Variants in UNC13C observed in about 807,000 individuals in gnomAD.
The protein encoded by UNC13C is protein unc-13 homolog C.
Under a neutral mutation model 245.4 loss-of-function variants are expected in UNC13C, and 174 were observed. That is an observed-to-expected ratio of 0.71 (90% CI 0.63 to 0.80). The LOEUF is 0.80. Among genes scored for constraint, UNC13C ranks in the 30% least tolerant of loss-of-function variants. The pLI is 0.00. For missense variants in UNC13C, 2,829 were observed against 2,602.9 expected, an observed-to-expected ratio of 1.09 and a Z score of -1.89; for synonymous variants, 992 against 895.1, an observed-to-expected ratio of 1.11 and a Z score of -1.93.
At chr15:53,955,259 T>C in the UNC13C span, among the ~76,000 whole-genome samples, 1 of 112,180 alleles carries the variant, frequency 8.9e-6, no homozygotes, top group Admixed American at 9.6e-5. Context: ...AAGCTATGAC[T>C]TTTTCTTACA....
At chr15:54,292,028 C>T (rs1301621367) in intron 10 of UNC13C, among the ~76,000 whole-genome samples, 1 of 151,904 alleles carries the variant, frequency 6.6e-6, no homozygotes, top group Non-Finnish European at 1.5e-5. Context: ...GATACAAATA[C>T]TATAAATACT....
chr15:54,250,084 C>A (rs924907474), intron 7 of UNC13C, 141 bp from the exon 8 acceptor site: 13 of 753,080 alleles, frequency 1.7e-5, no homozygotes, highest in Non-Finnish European at 2.7e-5. Flanking sequence ...TGCTTACTGT[C>A]ATCATGACTT....
rs184938718 is a variant in UNC13C at position 54,620,532 on chromosome 15, G to A, written c.6107-1795G>A. Among the ~76,000 whole-genome samples, 266 of 152,132 alleles carry A rather than the reference G, an allele frequency of 1.7e-3. 1 individual carries two copies. The highest frequency in any genetic ancestry group is 6.2e-3 in the African/African-American group (257 of 41,526). On this transcript the variant is annotated intron_variant, in intron 30 of 32. Transcript: ENST00000260323. Reference sequence around the variant, plus strand: ...ATACTGTATTAGTTACTCGTGCTGCGAGAAAATTACTCATTTCTTAAAGTT... The same window carrying A: ...ATACTGTATTAGTTACTCGTGCTGCAAGAAAATTACTCATTTCTTAAAGTT...
intron 19 of UNC13C, among the ~76,000 whole-genome samples, chr15:54,445,817 T>C (rs8036452): frequency 0.091 from 13,834 of 152,260 alleles, 808 homozygotes; most frequent in African/African-American, 0.17. Context: ...TTTGTCAAGT[T>C]TGGCTTTTGT....
the UNC13C span, chr15:53,948,036 ATATTCT>A: frequency 6.6e-6 from 1 of 152,226 alleles, no homozygotes; most frequent in Non-Finnish European, 1.5e-5. Flanking sequence ...TTAGGTGAAC[ATATTCT>A]TAAGGTAAAT....
At chr15:54,434,154 T>A (rs1241254740) in intron 19 of UNC13C, among the ~76,000 whole-genome samples, 4 of 152,158 alleles carry the variant, frequency 2.6e-5, no homozygotes, top group Non-Finnish European at 5.9e-5. Context: ...ATGGCCATAC[T>A]GCCCAAAGTA....
rs552932526 is a variant in UNC13C at position 54,339,499 on chromosome 15, T to C, written c.4713+1010T>C. Among the ~76,000 whole-genome samples, 15 of 152,290 alleles carry C rather than the reference T, an allele frequency of 9.8e-5. No homozygotes were observed. The South Asian group carries it at 3.1e-3, about 32-fold the overall frequency. ...ACCCTCATAGCTTAGCTCCCACTTATGAGTGAAAACATACAATGTTTAGCT... is the reference window on the plus strand; with the variant it reads ...ACCCTCATAGCTTAGCTCCCACTTACGAGTGAAAACATACAATGTTTAGCT... On this transcript the variant is annotated intron_variant, in intron 17 of 32. Transcript: ENST00000260323.
chr15:53,927,994 G>C, the UNC13C span, among the ~76,000 whole-genome samples: 2 of 152,278 alleles, frequency 1.3e-5, no homozygotes, highest in Admixed American at 1.3e-4. Context: ...GACAACTTCA[G>C]AAATAATAGT....
intron 2 of UNC13C, among the ~76,000 whole-genome samples, chr15:54,020,577 C>G (rs775284008): frequency 1.1e-4 from 16 of 151,818 alleles, no homozygotes; most frequent in Non-Finnish European, 2.1e-4. Context: ...ACCACCACAC[C>G]CGGCCGATTT....
Position 54,057,481 on chromosome 15 carries a change from A to G in UNC13C, c.2983+41595A>G, listed in dbSNP as rs1414949305. 3.3e-5 allele frequency among the ~76,000 whole-genome samples: 5 copies of G among 151,620 alleles called. No homozygotes were observed. The East Asian group carries it at 9.7e-4, about 29-fold the overall frequency. ...TAAAGCAAGTCCTGAGTGACCTACA[A>G]AGAGACTTAGACTCCCACACAATAA... On this transcript the variant is annotated intron_variant, in intron 2 of 32. Coordinates refer to ENST00000260323, the MANE Select transcript of UNC13C (RefSeq NM_001080534.3).
intron 13 of UNC13C, among the ~76,000 whole-genome samples, chr15:54,308,935 C>G (rs1031917496): frequency 2.6e-5 from 4 of 151,708 alleles, no homozygotes; most frequent in Non-Finnish European, 4.4e-5. Flanking sequence ...GATTTCATAT[C>G]TCGGCTATTG....
chr15:53,999,621 C>CT (rs977961004), intron 1 of UNC13C, among the ~76,000 whole-genome samples: 1 of 151,584 alleles, frequency 6.6e-6, no homozygotes, highest in Non-Finnish European at 1.5e-5. Flanking sequence ...TTAATTTGCT[C>CT]TTTTTTTGAC....
At chr15:54,038,120 A>ATTTTTTTTTTTT (rs1246982047) in intron 2 of UNC13C, among the ~76,000 whole-genome samples, 47 of 45,182 alleles carry the variant, frequency 1.0e-3, no homozygotes, top group Non-Finnish European at 1.2e-3. Flanking sequence ...ATATATATAT[A>ATTTTTTTTTTTT]TATATTTTTT....
At chr15:54,448,956 G>T (rs547423331) in intron 19 of UNC13C, among the ~76,000 whole-genome samples, 9 of 152,172 alleles carry the variant, frequency 5.9e-5, no homozygotes, top group African/African-American at 1.9e-4. Flanking sequence ...AGGAGCTCTT[G>T]CAGGGCAGGC....
intron 2 of UNC13C, among the ~76,000 whole-genome samples, chr15:54,095,089 G>A (rs931002925): frequency 1.3e-5 from 2 of 152,138 alleles, no homozygotes; most frequent in Admixed American, 6.5e-5. Context: ...CACATCATTT[G>A]TCCAATGAAC....
intron 13 of UNC13C, among the ~76,000 whole-genome samples, chr15:54,304,438 G>A (rs556569426): frequency 6.6e-6 from 1 of 152,036 alleles, no homozygotes; most frequent in African/African-American, 2.4e-5. Context: ...TTTTAGCACT[G>A]AATACTTATC....
chr15:54,494,883 C>A, intron 20 of UNC13C, 149 bp downstream of exon 20: 1 of 993,634 alleles, frequency 1.0e-6, no homozygotes, highest in Non-Finnish European at 1.5e-6. Flanking sequence ...AAAGGATTTG[C>A]ATGTCTTTGG....
chr15:54,293,469 T>G (rs1164693204), intron 10 of UNC13C, among the ~76,000 whole-genome samples: 1 of 152,072 alleles, frequency 6.6e-6, no homozygotes, highest in African/African-American at 2.4e-5. Context: ...AAACTATTAT[T>G]GTCATTTTGT....
chr15:54,213,717 T>A (rs1306782867), intron 4 of UNC13C, among the ~76,000 whole-genome samples: 3 of 152,084 alleles, frequency 2.0e-5, no homozygotes, highest in African/African-American at 7.2e-5. Context: ...AAGCACTGAA[T>A]TGCATGTAAC....
Sources: allele counts gnomAD v4.1 joint callset (sites outside exome capture counted in the v4.1 genomes callset), GRCh38; gene constraint gnomAD v4.1.1; transcripts MANE v1.5; gene names NCBI Gene and HGNC (gene_info 2026-07-23, HGNC 2026-07-21).